The following AGMO variants were observed in gnomAD, a reference collection of about 807,000 sequenced individuals.
The protein encoded by AGMO is alkylglycerol monooxygenase, also known as glyceryl-ether monooxygenase.
A neutral mutation model predicts 60.2 loss-of-function variants in AGMO; 75 were observed. That is an observed-to-expected ratio of 1.25 (90% CI 1.03 to 1.51). The LOEUF is 1.51. AGMO is among the 40% of genes most tolerant of loss of function. AGMO has a pLI of 0.00. For synonymous variants in AGMO, 261 were observed against 177.1 expected (o/e 1.47, Z -3.76); for missense variants, 763 against 525.5 (o/e 1.45, Z -4.42).
chr7:15,260,879 A>C (rs370152079), intron 12 of AGMO, among the ~76,000 whole-genome samples: 35 of 152,074 alleles, frequency 2.3e-4, no homozygotes, highest in African/African-American at 8.5e-4. Context: ...AAACCACGCA[A>C]ATACATGGAA....
intron 12 of AGMO, among the ~76,000 whole-genome samples, chr7:15,321,827 G>A (rs1021865049): frequency 6.6e-6 from 1 of 151,994 alleles, no homozygotes; most frequent in East Asian, 1.9e-4. Flanking sequence ...CCATAGGCTA[G>A]TAAATAGTCG....
At chr7:15,361,203 G>C (rs995857010) in intron 12 of AGMO, among the ~76,000 whole-genome samples, 2 of 151,748 alleles carry the variant, frequency 1.3e-5, no homozygotes, top group Admixed American at 1.3e-4. Flanking sequence ...GACAACTCTA[G>C]GGTCATGCAG....
At chr7:15,494,098 C>T (rs184652415) in intron 3 of AGMO, among the ~76,000 whole-genome samples, 118 of 152,142 alleles carry the variant, frequency 7.8e-4, no homozygotes, top group Middle Eastern at 3.4e-3. Context: ...CAAGTGAATC[C>T]CATGGTGCCA....
chr7:15,560,522 G>T (rs573757018), intron 1 of AGMO, among the ~76,000 whole-genome samples: 1 of 151,930 alleles, frequency 6.6e-6, no homozygotes, highest in South Asian at 2.1e-4. Context: ...ATATAACCAC[G>T]ATAATTATAA....
chr7:15,258,917 C>T lies in AGMO; in HGVS notation c.1264-57558G>A, dbSNP rs543290995. On this transcript the variant is annotated intron_variant, in intron 12 of 12. Transcript: ENST00000342526. ...GGAGCACTCCACAGGAAAAAAGAAT[C>T]TGAACAGCAGTCCTTGAATCTCATA... 2.7e-4 allele frequency among the ~76,000 whole-genome samples: 41 copies of T among 152,194 alleles called. 1 individual carries two copies. Among genetic ancestry groups the T allele is most frequent in the African/African-American group, 9.1e-4 (38 of 41,552 alleles).
chr7:15,297,015 A>G (rs73062579), intron 12 of AGMO, among the ~76,000 whole-genome samples: 60 of 152,108 alleles, frequency 3.9e-4, no homozygotes, highest in Non-Finnish European at 7.4e-4. Context: ...ACGGCTATTC[A>G]TACCTCTCTT....
intron 12 of AGMO, among the ~76,000 whole-genome samples, chr7:15,317,695 G>C (rs1219832330): frequency 6.6e-6 from 1 of 151,840 alleles, no homozygotes; most frequent in Non-Finnish European, 1.5e-5. Context: ...ACTTTCCAAA[G>C]AGATTCAGAA....
At chr7:15,314,142 A>G (rs893443416) in intron 12 of AGMO, among the ~76,000 whole-genome samples, 1 of 152,066 alleles carries the variant, frequency 6.6e-6, no homozygotes, top group African/African-American at 2.4e-5. Flanking sequence ...TATAGCATGG[A>G]TAAGTTGGAC....
chr7:15,170,288 T>C, the AGMO span, among the ~76,000 whole-genome samples: 1 of 152,220 alleles, frequency 6.6e-6, no homozygotes, highest in Admixed American at 6.5e-5. Context: ...AATACATTTG[T>C]TTATTGCGTG....
At chr7:15,528,303 A>G (rs1224481246) in intron 3 of AGMO, among the ~76,000 whole-genome samples, 1 of 152,108 alleles carries the variant, frequency 6.6e-6, no homozygotes, top group African/African-American at 2.4e-5. Flanking sequence ...ATAAGCATAA[A>G]TTTTATATGC....
At chr7:15,128,884 C>CTATA in the AGMO span, among the ~76,000 whole-genome samples, 5 of 152,006 alleles carry the variant, frequency 3.3e-5, no homozygotes, top group African/African-American at 7.2e-5. Flanking sequence ...TGTCACTTTG[C>CTATA]TATAGCTAGG....
chr7:15,421,174 C>T (rs1780912187), intron 4 of AGMO, among the ~76,000 whole-genome samples: 1 of 152,006 alleles, frequency 6.6e-6, no homozygotes, highest in Non-Finnish European at 1.5e-5. Context: ...TCAGGTTGGA[C>T]CATGGGATTT....
intron 5 of AGMO, among the ~76,000 whole-genome samples, chr7:15,414,729 A>G (rs888716339): frequency 6.6e-6 from 1 of 152,204 alleles, no homozygotes; most frequent in Non-Finnish European, 1.5e-5. Flanking sequence ...TTATTTTACA[A>G]ATGTGTGAAT....
At chr7:15,277,913 AAT>A (rs1233384613) in intron 12 of AGMO, among the ~76,000 whole-genome samples, 3 of 152,052 alleles carry the variant, frequency 2.0e-5, no homozygotes, top group African/African-American at 7.2e-5. Flanking sequence ...CGCTAGCCCT[AAT>A]AGGGGTGTCT....
intron 12 of AGMO, among the ~76,000 whole-genome samples, chr7:15,207,710 A>G (rs1337259761): frequency 1.3e-5 from 2 of 152,184 alleles, no homozygotes; most frequent in African/African-American, 4.8e-5. Context: ...CAAGGTGGGC[A>G]GATCACGAGG....
chr7:15,450,573 T>A (rs1418557299), intron 3 of AGMO, among the ~76,000 whole-genome samples: 2 of 152,178 alleles, frequency 1.3e-5, no homozygotes, highest in South Asian at 4.1e-4. Flanking sequence ...ACCAAGACTA[T>A]CTTTGTAGTT....
chr7:15,335,077 G>T (rs1017906260), intron 12 of AGMO, among the ~76,000 whole-genome samples: 2 of 152,106 alleles, frequency 1.3e-5, no homozygotes, highest in African/African-American at 2.4e-5. Context: ...TTGGGAAGCC[G>T]TATTCATCTC....
intron 12 of AGMO, among the ~76,000 whole-genome samples, chr7:15,243,714 GAAATATACCAATTCCAA>G (rs1782662472): frequency 6.6e-6 from 1 of 152,020 alleles, no homozygotes; most frequent in Non-Finnish European, 1.5e-5. Context: ...TCAAACCCCA[GAAATATACCAATTCCAA>G]AAATGCACAA....
chr7:15,170,385 G>C, the AGMO span, among the ~76,000 whole-genome samples: 3 of 152,214 alleles, frequency 2.0e-5, no homozygotes, highest in African/African-American at 7.2e-5. Context: ...TATTACACAA[G>C]CAAGAAATAA....
Sources: gnomAD v4.1 joint callset for allele counts (sites outside exome capture counted in the v4.1 genomes callset) on GRCh38, gnomAD v4.1.1 for gene constraint, MANE v1.5 for transcripts, NCBI Gene and HGNC (gene_info 2026-07-23, HGNC 2026-07-21) for gene names.